ZFYVE1: variants seen among roughly 807,000 people sequenced by gnomAD.
The protein encoded by ZFYVE1 is zinc finger FYVE domain-containing protein 1.
In ZFYVE1, 30 loss-of-function variants were observed where a neutral mutation model predicts 74.4. That is an observed-to-expected ratio of 0.40 (90% CI 0.30 to 0.55). The LOEUF (loss-of-function observed/expected upper bound fraction) is 0.55. Among genes scored for constraint, ZFYVE1 ranks in the 20% least tolerant of loss-of-function variants. The pLI, the probability that ZFYVE1 is intolerant of heterozygous loss-of-function variation, is 0.42. For missense variants in ZFYVE1, 703 were observed against 1,011.6 expected, an observed-to-expected ratio of 0.69 and a Z score of 4.14; for synonymous variants, 335 against 385.1, an observed-to-expected ratio of 0.87 and a Z score of 1.52.
chr14:73,018,757 C>A (rs1460186040), intron 2 of ZFYVE1, among the ~76,000 whole-genome samples: 1 of 152,066 alleles, frequency 6.6e-6, no homozygotes, highest in Non-Finnish European at 1.5e-5. Flanking sequence ...GCGTGACCAA[C>A]ATGGGGAAAC....
chr14:73,019,299 G>C (rs568094454), intron 2 of ZFYVE1, among the ~76,000 whole-genome samples: 2 of 152,154 alleles, frequency 1.3e-5, no homozygotes, highest in Admixed American at 6.6e-5. Flanking sequence ...TCTATCTATG[G>C]GCCGGGCACA....
chr14:73,016,451 T>C (rs780511589), intron 2 of ZFYVE1, among the ~76,000 whole-genome samples: 1 of 149,850 alleles, frequency 6.7e-6, no homozygotes, highest in Non-Finnish European at 1.5e-5. Flanking sequence ...GTGGAGCTTG[T>C]AGTGAGCTTG....
In ZFYVE1 at chr14:72,970,138, C is replaced by A; in HGVS notation, c.*744G>T. The A allele has an allele frequency of 4.6e-6, 1 of 218,686 alleles. No homozygotes were observed. Among genetic ancestry groups the A allele is most frequent in the South Asian group, 7.3e-5 (1 of 13,760 alleles). 13.5% of individuals were successfully genotyped at this position (218,686 alleles called of 1,614,324 possible). A position where few individuals can be genotyped will look rare whatever the true frequency, so the allele number is the denominator to read the frequency against. ...AAGCCCTGCTGGAGAAGGCTCAGTT[C>A]CTTCCTTGCTGTTCCCTGGGGGACC... On this transcript the variant is annotated 3_prime_UTR_variant, in exon 12 of 12. Transcript: ENST00000556143.
chr14:72,973,305 A>G (rs571107328), intron 11 of ZFYVE1, among the ~76,000 whole-genome samples: 1 of 152,180 alleles, frequency 6.6e-6, no homozygotes, highest in African/African-American at 2.4e-5. Context: ...CCTGGTCAAC[A>G]TGGTGAAACC....
chr14:73,000,021 T>C (rs772048117), intron 2 of ZFYVE1, among the ~76,000 whole-genome samples: 7 of 152,140 alleles, frequency 4.6e-5, no homozygotes, highest in Non-Finnish European at 1.0e-4. Context: ...ATTGTGCCAC[T>C]GCACTCCAGT....
At chr14:72,983,020 T>C (rs1893378200) in intron 4 of ZFYVE1, among the ~76,000 whole-genome samples, 1 of 152,022 alleles carries the variant, frequency 6.6e-6, no homozygotes. Flanking sequence ...ATTTTTTGTA[T>C]TTTTAGTAGA....
At chr14:73,014,833 C>T (rs563432899) in intron 2 of ZFYVE1, among the ~76,000 whole-genome samples, 1 of 152,254 alleles carries the variant, frequency 6.6e-6, no homozygotes, top group African/African-American at 2.4e-5. Flanking sequence ...TGAAGCTACC[C>T]TAGACCAGAA....
chr14:73,023,289 A>ATATATAATATATATTATATATGTTT (rs1555535647), intron 2 of ZFYVE1, among the ~76,000 whole-genome samples: 9,445 of 106,438 alleles, frequency 0.089, 1,212 homozygotes, highest in South Asian at 0.16. Flanking sequence ...TATATGTTTT[A>ATATATAATATATATTATATATGTTT]TATATAATAT....
intron 2 of ZFYVE1, 57 bp downstream of exon 2, chr14:73,023,959 TGAGAGCTGGC>T: frequency 1.9e-6 from 3 of 1,550,382 alleles, no homozygotes; most frequent in Admixed American, 1.9e-5. Context: ...CATCGTTTTT[TGAGAGCTGGC>T]TTCCAACAAC....
intron 2 of ZFYVE1, among the ~76,000 whole-genome samples, chr14:73,020,455 C>T (rs374350484): frequency 9.4e-4 from 143 of 152,168 alleles, no homozygotes; most frequent in African/African-American, 3.4e-3. Context: ...CGGGTTCATG[C>T]GATTCTCCTG....
intron 4 of ZFYVE1, among the ~76,000 whole-genome samples, chr14:72,988,901 T>C (rs78082570): frequency 0.055 from 8,213 of 150,052 alleles, 316 homozygotes; most frequent in Non-Finnish European, 0.088. Flanking sequence ...TACACGCACA[T>C]GCACTTTTAC....
At chr14:73,022,717 ATTCAAAAGTATAAACATTATAC>A (rs940815566) in intron 2 of ZFYVE1, among the ~76,000 whole-genome samples, 7 of 152,334 alleles carry the variant, frequency 4.6e-5, no homozygotes, top group Admixed American at 3.9e-4. Flanking sequence ...CACTACCTTC[ATTCAAAAGTATAAACATTATAC>A]TACCCCTTCC....
intron 4 of ZFYVE1, among the ~76,000 whole-genome samples, chr14:72,992,630 T>TACCCCC (rs1324391955): frequency 1.8e-5 from 1 of 55,308 alleles, no homozygotes; most frequent in Non-Finnish European, 4.2e-5. Context: ...CCCCGCCCCT[T>TACCCCC]GCAAGAGAGA....
At position 72,978,888 on chromosome 14, in the gene ZFYVE1, C is replaced by G; in HGVS notation, c.1392G>C (p.Gln464His). Residue 464 changes from glutamine to histidine, a missense_variant, in exon 6 of 12, where the codon CAG becomes CAC. Physicochemically the swap from Gln to His is conservative, Grantham distance 24 (BLOSUM62 0). Coordinates refer to ENST00000556143, the MANE Select transcript of ZFYVE1 (RefSeq NM_021260.4). ...TGCAGGTATACACTCGGTTGTCATA[C>G]TGGTGGGAGTATCTGCAGCGGCTCT... ...EAKSRCRYSH[Q>H]YDNRVYTCKA... is the part of the protein sequence containing the mutation. The G allele has an allele frequency of 1.2e-6, 2 of 1,614,146 alleles. No individual in the cohort carries two copies. The highest frequency in any genetic ancestry group is 2.2e-5 in the South Asian group (2 of 91,084).
At chr14:72,974,744 C>T (rs1461224411) in intron 10 of ZFYVE1, 35 bp downstream of exon 10, 10 of 1,570,132 alleles carry the variant, frequency 6.4e-6, no homozygotes, top group Non-Finnish European at 5.2e-6. Context: ...GGAGGTTCTC[C>T]CCTCCACCCC....
At chr14:72,994,870 A>G (rs1223563671) in intron 3 of ZFYVE1, among the ~76,000 whole-genome samples, 2 of 152,174 alleles carry the variant, frequency 1.3e-5, no homozygotes, top group Non-Finnish European at 1.5e-5. Flanking sequence ...TTCCTGATGA[A>G]CTTTTACAAT....
At position 72,975,171 on chromosome 14, in the gene ZFYVE1, GCTGGGTGCT is replaced by G. The variant is rs1395688821; in HGVS notation, c.1807-221_1807-213del. On this transcript the variant is annotated intron_variant, in intron 9 of 11. Transcript: ENST00000556143. The surrounding 1 kb of genome is among the most constrained non-coding windows in gnomAD (Gnocchi z 4.1). ...CCTTTCACTAAGTGTCTGGGTTGAA[GCTGGGTGCT>G]CTCTTGCTCTGGGTGCTGTAGCGTT... is the stretch of plus-strand genomic sequence containing the variant. The G allele has an allele frequency of 7.0e-6, 4 of 568,970 alleles. No homozygotes were observed. The highest frequency in any genetic ancestry group is 1.9e-5 in the African/African-American group (1 of 53,304). 35.2% of individuals were successfully genotyped at this position (568,970 alleles called of 1,614,324 possible).
intron 2 of ZFYVE1, among the ~76,000 whole-genome samples, chr14:73,008,910 G>C (rs1234103264): frequency 2.0e-5 from 3 of 152,112 alleles, no homozygotes; most frequent in African/African-American, 7.2e-5. Flanking sequence ...CTGGGCAACT[G>C]ACTCAACCCT....
chr14:72,981,973 A>G, intron 4 of ZFYVE1, 78 bp from the exon 5 acceptor site: 9 of 1,192,914 alleles, frequency 7.5e-6, no homozygotes, highest in Non-Finnish European at 9.9e-6. Flanking sequence ...CAGGCACCGT[A>G]CAAGCAACAC....
Sources: gnomAD v4.1 joint callset for allele counts (sites outside exome capture counted in the v4.1 genomes callset) on GRCh38, gnomAD v4.1.1 for gene constraint, Gnocchi (gnomAD v3.1) non-coding constraint, MANE v1.5 for transcripts, NCBI Gene and HGNC (gene_info 2026-07-23, HGNC 2026-07-21) for gene names.